IQCJ: variants seen among roughly 807,000 people sequenced by gnomAD.
IQCJ encodes the protein IQ domain-containing protein J.
A neutral mutation model predicts 11.0 loss-of-function variants in IQCJ; 9 were observed. That is an observed-to-expected ratio of 0.82 (90% CI 0.49 to 1.43). IQCJ has a LOEUF of 1.43. Ranked by LOEUF, IQCJ falls within the 40% of genes most tolerant of loss-of-function variation. The pLI is 0.00. For missense variants in IQCJ, 146 were observed against 133.2 expected, an observed-to-expected ratio of 1.10 and a Z score of -0.47; for synonymous variants, 55 against 51.3, an observed-to-expected ratio of 1.07 and a Z score of -0.31.
At chr3:159,081,013 A>G (rs1674662864) in intron 1 of IQCJ, among the ~76,000 whole-genome samples, 1 of 152,102 alleles carries the variant, frequency 6.6e-6, no homozygotes, top group South Asian at 2.1e-4. Context: ...TAAACTGGCC[A>G]GACAATAAAG....
At chr3:159,101,242 A>G (rs374815943) in intron 1 of IQCJ, among the ~76,000 whole-genome samples, 3,182 of 148,180 alleles carry the variant, frequency 0.021, 104 homozygotes, top group African/African-American at 0.077. Flanking sequence ...CACGGTGCGC[A>G]CACACACTGG....
chr3:159,210,995 G>C lies in IQCJ; in HGVS notation c.10-34848G>C, dbSNP rs140569068. Among the ~76,000 whole-genome samples the C allele has an allele frequency of 1.2e-3, 181 of 152,256 alleles. 1 individual carries two copies. The highest frequency in any genetic ancestry group is 4.2e-3 in the African/African-American group (174 of 41,550). ...CCTCAAATTTTAAAACTATGAAATA[G>C]AGTGCAAATTTCAAGGAGTACTATT... On this transcript the variant is annotated intron_variant, in intron 1 of 3. Transcript: ENST00000397832.
chr3:159,200,590 G>T (rs1724272268), intron 1 of IQCJ, among the ~76,000 whole-genome samples: 1 of 152,182 alleles, frequency 6.6e-6, no homozygotes, highest in South Asian at 2.1e-4. Context: ...TCCTCCAGCA[G>T]GAAGGGACAG....
At chr3:159,212,774 G>A (rs1725023324) in intron 1 of IQCJ, among the ~76,000 whole-genome samples, 1 of 152,128 alleles carries the variant, frequency 6.6e-6, no homozygotes, top group South Asian at 2.1e-4. Context: ...TCTTTGAAAG[G>A]GAAAATACTC....
chr3:159,200,048 AAATCTAAAT>A (rs1577076070), intron 1 of IQCJ, among the ~76,000 whole-genome samples: 14 of 137,960 alleles, frequency 1.0e-4, no homozygotes, highest in African/African-American at 1.4e-4. Context: ...ATATATATAT[AAATCTAAAT>A]TATATATATA....
At chr3:159,221,321 G>C (rs1319416231) in intron 1 of IQCJ, among the ~76,000 whole-genome samples, 1 of 152,124 alleles carries the variant, frequency 6.6e-6, no homozygotes, top group African/African-American at 2.4e-5. Flanking sequence ...TGCCTGGCAT[G>C]AAGTAGCTGC....
At chr3:159,155,612 A>G (rs1323932850) in intron 1 of IQCJ, among the ~76,000 whole-genome samples, 1 of 152,222 alleles carries the variant, frequency 6.6e-6, no homozygotes, top group Non-Finnish European at 1.5e-5. Context: ...ATTACAGGAA[A>G]ACTTTAAACA....
rs1715452880 is a variant in IQCJ at position 159,069,961 on chromosome 3, T to C, written c.9+520T>C. 1.7e-4 allele frequency: 43 copies of C among 257,394 alleles called. 1 individual carries two copies. The South Asian group carries it at 1.7e-3, about 10-fold the overall frequency. 15.9% of individuals were successfully genotyped at this position (257,394 alleles called of 1,614,324 possible). ...GTTATATTGCTGCTGCACGAGAATT[T>C]CTACCCCATGTTACCTGCCTTCTTA... On this transcript the variant is annotated intron_variant, in intron 1 of 3. Coordinates refer to ENST00000397832, the MANE Select transcript of IQCJ (RefSeq NM_001042706.3).
rs926907745 is a variant in IQCJ at position 159,118,822 on chromosome 3, G to A, written c.9+49381G>A. Among the ~76,000 whole-genome samples the A allele has an allele frequency of 1.4e-4, 22 of 152,176 alleles. 1 individual carries two copies. Among genetic ancestry groups the A allele is most frequent in the African/African-American group, 5.1e-4 (21 of 41,456 alleles). On this transcript the variant is annotated intron_variant, in intron 1 of 3. Coordinates refer to ENST00000397832, the MANE Select transcript of IQCJ (RefSeq NM_001042706.3). Reference sequence around the variant, plus strand: ...ATATTGGAAACCCCTTGAAAGCAGAGTCTATGCCTAATCTACAATACTGAA... The same window carrying A: ...ATATTGGAAACCCCTTGAAAGCAGAATCTATGCCTAATCTACAATACTGAA...
At chr3:159,251,338 A>G in intron 2 of IQCJ, among the ~76,000 whole-genome samples, 1 of 151,744 alleles carries the variant, frequency 6.6e-6, no homozygotes, top group Non-Finnish European at 1.5e-5. Context: ...TAGCTTTCTA[A>G]CTAGTTTTAT....
At chr3:159,073,942 G>A (rs1459577948) in intron 1 of IQCJ, among the ~76,000 whole-genome samples, 2 of 152,062 alleles carry the variant, frequency 1.3e-5, no homozygotes, top group East Asian at 1.9e-4. Context: ...AGGTTGTGTC[G>A]GAATTTGTAG....
chr3:159,070,378 A>G (rs1450967784), intron 1 of IQCJ, among the ~76,000 whole-genome samples: 1 of 152,138 alleles, frequency 6.6e-6, no homozygotes, highest in African/African-American at 2.4e-5. Flanking sequence ...TTCTAGTTAT[A>G]AAGATGAATT....
intron 1 of IQCJ, among the ~76,000 whole-genome samples, chr3:159,124,086 A>T (rs1280818150): frequency 6.6e-6 from 1 of 152,028 alleles, no homozygotes; most frequent in Non-Finnish European, 1.5e-5. Context: ...CCTGCCATCT[A>T]ATCACTCCAA....
At chr3:159,170,166 A>C (rs1722412810) in intron 1 of IQCJ, among the ~76,000 whole-genome samples, 1 of 152,170 alleles carries the variant, frequency 6.6e-6, no homozygotes, top group Non-Finnish European at 1.5e-5. Flanking sequence ...GGATTTGGAG[A>C]CTTCCTAAAG....
In IQCJ at chr3:159,257,839, T is replaced by C. The variant is rs149604244; in HGVS notation, c.156-4709T>C. On this transcript the variant is annotated intron_variant, in intron 3 of 3. Transcript: ENST00000397832. ...CCAAACCCACTGTCTCCATCCTGTTTCTCTATTTCTGCCTTTTGCTGAACC... is the reference window on the plus strand; with the variant it reads ...CCAAACCCACTGTCTCCATCCTGTTCCTCTATTTCTGCCTTTTGCTGAACC... Among the ~76,000 whole-genome samples the C allele has an allele frequency of 7.6e-3, 1,161 of 152,280 alleles. 10 individuals carry two copies. Among genetic ancestry groups the C allele is most frequent in the African/African-American group, 0.027 (1,110 of 41,554 alleles).
chr3:159,167,269 C>T (rs762622164), intron 1 of IQCJ, among the ~76,000 whole-genome samples: 8 of 152,134 alleles, frequency 5.3e-5, no homozygotes, highest in South Asian at 2.1e-4. Flanking sequence ...ATTTGCCTCC[C>T]TATAGCAACA....
intron 1 of IQCJ, among the ~76,000 whole-genome samples, chr3:159,072,797 C>T (rs6783041): frequency 2.6e-5 from 4 of 151,918 alleles, no homozygotes; most frequent in African/African-American, 9.7e-5. Flanking sequence ...ATTAACTTGT[C>T]TGAGTTTGTA....
intron 1 of IQCJ, among the ~76,000 whole-genome samples, chr3:159,197,872 T>A (rs886776655): frequency 1.3e-5 from 2 of 152,074 alleles, no homozygotes; most frequent in Non-Finnish European, 2.9e-5. Flanking sequence ...AATTTTAATA[T>A]GATGTCTTTT....
At chr3:159,103,489 A>G (rs1334165071) in intron 1 of IQCJ, among the ~76,000 whole-genome samples, 1 of 152,212 alleles carries the variant, frequency 6.6e-6, no homozygotes, top group African/African-American at 2.4e-5. Context: ...AATTAAGGGT[A>G]TTTTAGGATC....
Sources: allele counts gnomAD v4.1 joint callset (sites outside exome capture counted in the v4.1 genomes callset), GRCh38; gene constraint gnomAD v4.1.1; transcripts MANE v1.5; gene names NCBI Gene and HGNC (gene_info 2026-07-23, HGNC 2026-07-21).